PDHX: variants seen among roughly 807,000 people sequenced by gnomAD.
The protein encoded by PDHX is pyruvate dehydrogenase protein X component, mitochondrial.
In PDHX, 33 loss-of-function variants were observed where a neutral mutation model predicts 55.3. The ratio of observed to expected loss-of-function variants is 0.60; its 90% confidence interval spans 0.45 to 0.80. The LOEUF (loss-of-function observed/expected upper bound fraction) is 0.80, where lower values mean the gene tolerates loss of function less well. Among genes scored for constraint, PDHX ranks in the 30% least tolerant of loss-of-function variants. PDHX has a pLI of 0.00. For synonymous variants in PDHX, 226 were observed against 219.4 expected (o/e 1.03, Z -0.27); for missense variants, 622 against 619.9 (o/e 1.00, Z -0.04).
Position 34,931,489 on chromosome 11 carries a change from G to A in PDHX, c.241+5G>A. The A allele has an allele frequency of 1.3e-6, 2 of 1,529,302 alleles. No homozygotes were observed. The highest frequency in any genetic ancestry group is 1.8e-6 in the Non-Finnish European group (2 of 1,105,160). 94.7% of individuals were successfully genotyped at this position (1,529,302 alleles called of 1,614,324 possible). On this transcript the variant is annotated splice_donor_5th_base_variant and intron_variant, in intron 2 of 10. Transcript: ENST00000227868. Reference sequence around the variant, plus strand: ...TGAAATGGCTGAAAAAGGAAGGTGAGGAGGTACCTTCCTAATGTCCTGTGT... The same window carrying A: ...TGAAATGGCTGAAAAAGGAAGGTGAAGAGGTACCTTCCTAATGTCCTGTGT...
chr11:34,923,567 G>T (rs1164151362), intron 1 of PDHX, among the ~76,000 whole-genome samples: 2 of 151,812 alleles, frequency 1.3e-5, no homozygotes, highest in East Asian at 3.9e-4. Flanking sequence ...CTTTTTTTTG[G>T]ATAATAGCCA....
chr11:34,975,684 C>T (rs1211234670), intron 7 of PDHX, among the ~76,000 whole-genome samples: 1 of 152,096 alleles, frequency 6.6e-6, no homozygotes, highest in Non-Finnish European at 1.5e-5. Context: ...TATTTACTTC[C>T]TGTGTTTGTC....
At chr11:34,940,811 T>C (rs557299299) in intron 2 of PDHX, among the ~76,000 whole-genome samples, 1 of 152,352 alleles carries the variant, frequency 6.6e-6, no homozygotes. Context: ...AAGCATGTAA[T>C]GTTTGGTCTT....
chr11:34,987,511 G>A (rs563786171), intron 9 of PDHX, among the ~76,000 whole-genome samples: 14 of 152,234 alleles, frequency 9.2e-5, no homozygotes, highest in African/African-American at 3.4e-4. Context: ...GTGTGTGTGT[G>A]TATGTGTAAG....
intron 3 of PDHX, 108 bp from the exon 4 acceptor site, chr11:34,957,276 A>G: frequency 1.2e-6 from 1 of 810,778 alleles, no homozygotes; most frequent in South Asian, 1.5e-5. Context: ...AGCAGCTTTT[A>G]GCTCAAATTA....
At chr11:34,967,188 A>C (rs972422484) in intron 6 of PDHX, among the ~76,000 whole-genome samples, 3 of 152,126 alleles carry the variant, frequency 2.0e-5, no homozygotes, top group African/African-American at 7.2e-5. Context: ...GTGAGAGAGA[A>C]AATAAGAACA....
At chr11:34,981,690 A>G (rs1855516898) in intron 8 of PDHX, among the ~76,000 whole-genome samples, 1 of 152,110 alleles carries the variant, frequency 6.6e-6, no homozygotes, top group South Asian at 2.1e-4. Context: ...AATGATTGCC[A>G]TTCTAACTGG....
At chr11:34,986,642 A>G (rs1234072707) in intron 9 of PDHX, among the ~76,000 whole-genome samples, 1 of 152,182 alleles carries the variant, frequency 6.6e-6, no homozygotes, top group Non-Finnish European at 1.5e-5. Context: ...TATAATACAT[A>G]AGTCGTAAGT....
At chr11:34,991,245 G>A (rs965360395) in intron 9 of PDHX, among the ~76,000 whole-genome samples, 5 of 152,098 alleles carry the variant, frequency 3.3e-5, no homozygotes, top group Admixed American at 3.3e-4. Flanking sequence ...GCTCATTCAG[G>A]AAATGATTTA....
Position 34,995,325 on chromosome 11 carries a change from A to G in PDHX, c.*153A>G. On this transcript the variant is annotated 3_prime_UTR_variant, in exon 11 of 11. Transcript: ENST00000227868. ...AAAGCATTTGACCCAGGGTGTCTTC[A>G]TCTTCAATTTGGGTTTAATGTTATA... 2 of 781,878 alleles carry G rather than the reference A, an allele frequency of 2.6e-6. No individual in the cohort carries two copies. Among genetic ancestry groups the G allele is most frequent in the Non-Finnish European group, 4.3e-6 (2 of 466,556 alleles). The allele number at this position is 781,878 out of a possible 1,614,324, so 48.4% of individuals were successfully genotyped here.
intron 10 of PDHX, 152 bp downstream of exon 10, chr11:34,992,531 C>T: frequency 1.7e-6 from 1 of 583,124 alleles, no homozygotes; most frequent in South Asian, 2.0e-5. Context: ...AAAAATTCTT[C>T]AGACTAGTCA....
chr11:34,964,293 G>T (rs1855081503), intron 5 of PDHX, among the ~76,000 whole-genome samples: 1 of 152,026 alleles, frequency 6.6e-6, no homozygotes, highest in South Asian at 2.1e-4. Flanking sequence ...TACTTCATAG[G>T]TATGTAAGTA....
intron 8 of PDHX, among the ~76,000 whole-genome samples, chr11:34,983,986 A>G (rs1053531615): frequency 2.6e-5 from 4 of 152,346 alleles, no homozygotes; most frequent in East Asian, 1.9e-4. Flanking sequence ...AAGCCAAAAG[A>G]ACAAAGCTGG....
At chr11:34,968,625 T>G (rs1050969125) in intron 6 of PDHX, among the ~76,000 whole-genome samples, 1 of 152,240 alleles carries the variant, frequency 6.6e-6, no homozygotes, top group Non-Finnish European at 1.5e-5. Flanking sequence ...AATAAGATAC[T>G]CATGTTATTT....
At chr11:34,986,307 CA>C (rs755119406) in intron 9 of PDHX, among the ~76,000 whole-genome samples, 6,330 of 64,970 alleles carry the variant, frequency 0.097, 287 homozygotes, top group African/African-American at 0.2. Flanking sequence ...CACTGTATCT[CA>C]AAAAAAAAAA....
intron 3 of PDHX, among the ~76,000 whole-genome samples, chr11:34,952,070 A>G (rs1025806551): frequency 6.6e-6 from 1 of 152,202 alleles, no homozygotes; most frequent in Admixed American, 6.5e-5. Flanking sequence ...ACACCTCTAC[A>G]CAAATAAACT....
intron 4 of PDHX, among the ~76,000 whole-genome samples, chr11:34,959,643 A>G (rs1027094106): frequency 2.0e-5 from 3 of 152,222 alleles, no homozygotes; most frequent in African/African-American, 4.8e-5. Context: ...TTGTACATCT[A>G]TGTTCATAGC....
At chr11:34,958,569 G>A (rs1450645772) in intron 4 of PDHX, among the ~76,000 whole-genome samples, 1 of 152,120 alleles carries the variant, frequency 6.6e-6, no homozygotes, top group East Asian at 1.9e-4. Flanking sequence ...CCAAAGTGCT[G>A]GGATTACAGG....
At chr11:34,942,957 T>C (rs1459651547) in intron 2 of PDHX, among the ~76,000 whole-genome samples, 1 of 152,176 alleles carries the variant, frequency 6.6e-6, no homozygotes, top group African/African-American at 2.4e-5. Flanking sequence ...TTTTTAAATA[T>C]CAGAAGCATG....
Sources: allele counts gnomAD v4.1 joint callset (sites outside exome capture counted in the v4.1 genomes callset), GRCh38; gene constraint gnomAD v4.1.1; transcripts MANE v1.5; gene names NCBI Gene and HGNC (gene_info 2026-07-23, HGNC 2026-07-21).